The following LY75 variants were observed in gnomAD, a reference collection of about 807,000 sequenced individuals.
The protein encoded by LY75 is lymphocyte antigen 75.
LY75 carries 185 observed loss-of-function variants against 231.7 expected under a neutral mutation model. The observed-to-expected ratio is 0.80, with a 90% confidence interval of 0.71 to 0.90. The LOEUF is 0.90. LY75 is among the 40% of genes least tolerant of loss of function. The pLI is 0.00. For missense variants in LY75, 1,947 were observed against 2,050.2 expected (o/e 0.95, Z 0.97); for synonymous variants, 668 against 689.0 (o/e 0.97, Z 0.48).
chr2:159,812,487 C>T (rs1420694069), intron 31 of LY75: 1 of 152,222 alleles, frequency 6.6e-6, no homozygotes, highest in African/African-American at 2.4e-5. Context: ...TCATAGCTCA[C>T]TGCAGTCTCA....
At chr2:159,882,783 G>A (rs370096647) in intron 6 of LY75, among the ~76,000 whole-genome samples, 12 of 152,114 alleles carry the variant, frequency 7.9e-5, no homozygotes, top group Non-Finnish European at 1.2e-4. Flanking sequence ...AACGCTCACC[G>A]TTGAACAAAG....
intron 23 of LY75, among the ~76,000 whole-genome samples, chr2:159,844,713 G>A (rs1469350): frequency 0.71 from 105,393 of 148,800 alleles, 37,664 homozygotes; most frequent in African/African-American, 0.74. Context: ...GCCTATGGGG[G>A]AAAAAAAAAC....
chr2:159,877,104 C>G lies in LY75; in HGVS notation c.1774+1220G>C, dbSNP rs554552300. 6.0e-5 allele frequency among the ~76,000 whole-genome samples: 9 copies of G among 151,046 alleles called. 1 individual carries two copies. In the South Asian group the frequency reaches 1.9e-3, roughly 32 times the overall value. On this transcript the variant is annotated intron_variant, in intron 11 of 34. Transcript: ENST00000263636. ...AGAGTGTTCTTAATCTGAGATTTAACCAGGATCAACATCTGTATACTCTAT... is the reference window on the plus strand; with the variant it reads ...AGAGTGTTCTTAATCTGAGATTTAAGCAGGATCAACATCTGTATACTCTAT...
In LY75 at chr2:159,815,722, G is replaced by C. The variant is rs1179695589; in HGVS notation, c.4381-149C>G. The C allele has an allele frequency of 1.8e-5, 18 of 979,034 alleles. 1 individual carries two copies. Among genetic ancestry groups the C allele is most frequent in the Non-Finnish European group, 4.3e-6 (3 of 695,000 alleles). 60.6% of individuals were successfully genotyped at this position (979,034 alleles called of 1,614,324 possible). A position where few individuals can be genotyped will look rare whatever the true frequency, so the allele number is the denominator to read the frequency against. ...TAGGTCTGAACCTACTATTATTGTA[G>C]GTCTGATTTACTTCTGATGCATTGA... is the stretch of plus-strand genomic sequence containing the variant. On this transcript the variant is annotated intron_variant, in intron 30 of 34. Transcript: ENST00000263636.
chr2:159,863,573 T>C (rs888868900), intron 14 of LY75, among the ~76,000 whole-genome samples: 3 of 152,226 alleles, frequency 2.0e-5, no homozygotes, highest in Admixed American at 6.5e-5. Flanking sequence ...TTTTTTCCTA[T>C]GACTGTTGGC....
At position 159,844,264 on chromosome 2, in the gene LY75, TGTAAAATG is replaced by T. The variant is rs367805850; in HGVS notation, c.3151-1898_3151-1891del. Among the ~76,000 whole-genome samples the T allele has an allele frequency of 5.9e-3, 872 of 146,572 alleles. 11 individuals are homozygous for T. Among genetic ancestry groups the T allele is most frequent in the African/African-American group, 0.021 (840 of 39,438 alleles). On this transcript the variant is annotated intron_variant, in intron 23 of 34. Transcript: ENST00000263636. ...GAGCACCCAGATTTTACAACAAGAATGTAAAATGGTTTAATACAATATCTACTAATATA... is the reference window on the plus strand; with the variant it reads ...GAGCACCCAGATTTTACAACAAGAATGTTTAATACAATATCTACTAATATA...
chr2:159,903,862 C>T (rs1017697719), intron 1 of LY75, among the ~76,000 whole-genome samples: 1 of 152,192 alleles, frequency 6.6e-6, no homozygotes, highest in African/African-American at 2.4e-5. Flanking sequence ...TCAATGAAGG[C>T]TGTCTGTTTC....
At chr2:159,814,402 A>G (rs1683055490) in intron 31 of LY75, among the ~76,000 whole-genome samples, 1 of 152,180 alleles carries the variant, frequency 6.6e-6, no homozygotes, top group African/African-American at 2.4e-5. Flanking sequence ...TACTCTCAGC[A>G]CTTTGGGAGG....
At chr2:159,841,881 C>A (rs1222255972) in intron 24 of LY75, among the ~76,000 whole-genome samples, 3 of 151,912 alleles carry the variant, frequency 2.0e-5, no homozygotes, top group African/African-American at 4.8e-5. Context: ...CCATCAGATA[C>A]AATTAATTAA....
intron 2 of LY75, 121 bp from the exon 3 acceptor site, chr2:159,894,205 G>T: frequency 8.0e-7 from 1 of 1,242,258 alleles, no homozygotes; most frequent in Non-Finnish European, 1.1e-6. Flanking sequence ...CCGAGTGTAG[G>T]AATTCAGAGC....
chr2:159,901,077 G>A (rs574373042), intron 1 of LY75, among the ~76,000 whole-genome samples: 1 of 152,248 alleles, frequency 6.6e-6, no homozygotes, highest in South Asian at 2.1e-4. Context: ...GACCTCAGGT[G>A]ATCCACCCAC....
rs759387302 is a variant in LY75 at position 159,852,313 on chromosome 2, G to A, written c.2771C>T (p.Thr924Ile). The change falls in exon 21 of 35, where the codon ACC (threonine) becomes ATC (isoleucine). Residue 924 changes from threonine (T) to isoleucine (I), a missense_variant. Transcript: ENST00000263636. ...IDLGKPTDCSTKLPFICEKYN... is the reference protein window; with the variant it reads ...IDLGKPTDCSIKLPFICEKYN... ...TTTTTCACAGATGAAGGGCAACTTG[G>A]TACTACAGTCTGTTGGTTTACCTAA... 6.2e-6 allele frequency: 10 copies of A among 1,613,700 alleles called. No homozygotes were observed. Among genetic ancestry groups the A allele is most frequent in the Non-Finnish European group, 8.5e-6 (10 of 1,179,872 alleles).
At chr2:159,838,288 T>C (rs1305409201) in intron 25 of LY75, among the ~76,000 whole-genome samples, 1 of 152,172 alleles carries the variant, frequency 6.6e-6, no homozygotes, top group Non-Finnish European at 1.5e-5. Flanking sequence ...TTAGGATATA[T>C]AGTTAAACAG....
rs776261325 is a variant in LY75 at position 159,835,529 on chromosome 2, T to C, written c.3624A>G (p.Thr1208=). Residue 1208 remains threonine (T), a synonymous_variant, in exon 26 of 35, where the codon ACA becomes ACG. Transcript: ENST00000263636. ...CTGGTTGATTGTCATTGCAATCAAC[T>C]GTTTTCCAGAATCCATCAGTGTCTA... ...VVLDTDGFWK[T]VDCNDNQPGA... 1.9e-6 allele frequency: 3 copies of C among 1,612,532 alleles called. No homozygotes were observed. In the African/African-American group the frequency reaches 4.0e-5, roughly 22 times the overall value.
At chr2:159,881,537 C>T (rs1685436029) in intron 7 of LY75, among the ~76,000 whole-genome samples, 3 of 151,970 alleles carry the variant, frequency 2.0e-5, no homozygotes, top group Non-Finnish European at 4.4e-5. Flanking sequence ...CATACATATC[C>T]CAATTTGAAT....
At chr2:159,815,348 G>A (rs1683093169) in intron 31 of LY75, 57 bp downstream of exon 31, 1 of 1,524,878 alleles carries the variant, frequency 6.6e-7, no homozygotes, top group African/African-American at 1.4e-5. Context: ...TTTTAATTAT[G>A]TGCATAAATT....
intron 6 of LY75, among the ~76,000 whole-genome samples, chr2:159,882,847 G>A (rs558560999): frequency 1.0e-3 from 156 of 152,238 alleles, no homozygotes; most frequent in South Asian, 2.5e-3. Flanking sequence ...TCGCATCCAA[G>A]AGATGAGAGG....
chr2:159,841,054 T>C, intron 24 of LY75, 99 bp from the exon 25 acceptor site: 2 of 1,507,454 alleles, frequency 1.3e-6, no homozygotes, highest in Non-Finnish European at 1.8e-6. Context: ...TAATCTAATT[T>C]AGATATTATT....
At chr2:159,834,358 T>A (rs947118042) in intron 26 of LY75, 147 bp from the exon 27 acceptor site, 2 of 1,048,964 alleles carry the variant, frequency 1.9e-6, no homozygotes, top group Non-Finnish European at 2.7e-6. Flanking sequence ...TACTCAGATA[T>A]AGCACACAAA....
Sources: allele counts gnomAD v4.1 joint callset (sites outside exome capture counted in the v4.1 genomes callset), GRCh38; gene constraint gnomAD v4.1.1; transcripts MANE v1.5; gene names NCBI Gene and HGNC (gene_info 2026-07-23, HGNC 2026-07-21).